MRAP: variants seen among roughly 807,000 people sequenced by gnomAD.
MRAP encodes melanocortin 2 receptor accessory protein.
A neutral mutation model predicts 8.7 loss-of-function variants in MRAP; 8 were observed. The observed-to-expected ratio is 0.92, with a 90% CI of 0.54 to 1.66. The LOEUF is 1.66. MRAP is among the 40% of genes most tolerant of loss of function. MRAP has a pLI of 0.00. For synonymous variants in MRAP, 95 were observed against 95.5 expected (o/e 1.00, Z 0.03); for missense variants, 237 against 217.1 (o/e 1.09, Z -0.58).
rs201185938 is a variant in MRAP, at chr21:32,302,161, G to GA, written c.106+3085dup. On this transcript the variant is annotated intron_variant, in intron 1 of 2. Transcript: ENST00000303645. ...AAACATTCTAGCAAACATCTGTGGT[G>GA]ATAAATTGTGTATATCTTTTGAGGA... Among the ~76,000 whole-genome samples, 1,095 of 152,280 alleles carry GA rather than the reference G, an allele frequency of 7.2e-3. 19 individuals carry two copies. Among genetic ancestry groups the GA allele is most frequent in the African/African-American group, 0.025 (1,027 of 41,546 alleles).
At chr21:32,306,832 G>A in intron 2 of MRAP, 93 bp downstream of exon 2, 1 of 979,534 alleles carries the variant, frequency 1.0e-6, no homozygotes, top group South Asian at 1.3e-5. Flanking sequence ...AAATGCTGGA[G>A]ACCAGAAGTG....
chr21:32,299,203 T>A, intron 1 of MRAP, 126 bp downstream of exon 1: 1 of 745,068 alleles, frequency 1.3e-6, no homozygotes, highest in Non-Finnish European at 2.4e-6. Context: ...AGCAGGAATG[T>A]GGCCAGTTCA....
At chr21:32,296,842 C>T, upstream of MRAP, among the ~76,000 whole-genome samples, 1 of 152,122 alleles carries the variant, frequency 6.6e-6, no homozygotes, top group Non-Finnish European at 1.5e-5. Flanking sequence ...GGAAGTTGCC[C>T]TGCATGAGGC....
intron 1 of MRAP, among the ~76,000 whole-genome samples, chr21:32,305,069 C>T (rs1199448643): frequency 6.7e-6 from 1 of 150,034 alleles, no homozygotes; most frequent in Non-Finnish European, 1.5e-5. Context: ...AACTCCTGGC[C>T]TCAAGTGATC....
intron 1 of MRAP, among the ~76,000 whole-genome samples, chr21:32,300,323 T>C (rs1484448525): frequency 1.3e-5 from 2 of 151,558 alleles, no homozygotes. Context: ...TCATGTGTCA[T>C]GCATCCTATG....
chr21:32,309,135 C>T lies in MRAP; in HGVS notation c.206+2396C>T, dbSNP rs370417712. ...CTTAGAAGTCTAGGAAGCATGGCAC[C>T]GACATCTGCTTAGCTTCTGGTGAGG... On this transcript the variant is annotated intron_variant, in intron 2 of 2. Coordinates refer to ENST00000303645, the MANE Select transcript of MRAP (RefSeq NM_001379228.1). Among the ~76,000 whole-genome samples, 7 of 152,252 alleles carry T rather than the reference C, an allele frequency of 4.6e-5. No individual in the cohort carries two copies. In the South Asian group the frequency reaches 8.3e-4, roughly 18 times the overall value.
exon 2 of MRAP, chr21:32,293,082 A>G (rs981226456): frequency 3.3e-5 from 5 of 152,196 alleles, no homozygotes; most frequent in African/African-American, 9.7e-5. Flanking sequence ...CTGTCCTTAT[A>G]AGAAGAGGAG....
At position 32,298,999 on chromosome 21, in the gene MRAP, C is replaced by T. The variant is rs906575757; in HGVS notation, c.28C>T (p.Pro10Ser). The T allele has an allele frequency of 6.2e-7, 1 of 1,614,146 alleles. No homozygotes were observed. The highest frequency in any genetic ancestry group is 8.5e-7 in the Non-Finnish European group (1 of 1,179,990). The change falls in exon 1 of 3, where the codon CCA becomes TCA. Residue 10 changes from proline (P) to serine (S), a missense_variant. By Grantham distance (74) the Pro-to-Ser change is moderately conservative. Coordinates refer to ENST00000303645, the MANE Select transcript of MRAP (RefSeq NM_001379228.1). The stretch of plus-strand genomic sequence containing the variant: ...GGCCAACGGGACCAACGCCTCTGCC[C>T]CATACTACAGCTATGAATACTACCT... MANGTNASAPYYSYEYYLDY... is the reference protein window; with the variant it reads MANGTNASASYYSYEYYLDY...
chr21:32,302,979 C>CTT (rs57692462), intron 1 of MRAP, among the ~76,000 whole-genome samples: 80,327 of 124,068 alleles, frequency 0.65, 27,920 homozygotes, highest in Non-Finnish European at 0.75. Context: ...CCCCAATTCC[C>CTT]TTTTTTTTTT....
At chr21:32,302,742 C>T (rs1052014722) in intron 1 of MRAP, among the ~76,000 whole-genome samples, 24 of 152,208 alleles carry the variant, frequency 1.6e-4, no homozygotes, top group African/African-American at 5.3e-4. Flanking sequence ...AGAACGGACA[C>T]ACGGTGCTAG....
At chr21:32,295,924 C>T (rs1331174811), upstream of MRAP, among the ~76,000 whole-genome samples, 1 of 152,110 alleles carries the variant, frequency 6.6e-6, no homozygotes, top group Admixed American at 6.5e-5. Flanking sequence ...TGGAGTAAGC[C>T]AAGATCACGC....
At chr21:32,306,814 C>A in intron 2 of MRAP, 75 bp downstream of exon 2, 1 of 1,184,334 alleles carries the variant, frequency 8.4e-7, no homozygotes, top group Non-Finnish European at 1.3e-6. Context: ...TTGAGTATCC[C>A]TCATCCAAAA....
In MRAP at chr21:32,304,958, TTTTGTTG is replaced by T. The variant is rs1302953305; in HGVS notation, c.107-1678_107-1672del. 4.3e-4 allele frequency among the ~76,000 whole-genome samples: 57 copies of T among 131,518 alleles called. 2 individuals carry two copies. Among genetic ancestry groups the T allele is most frequent in the African/African-American group, 1.6e-3 (55 of 35,292 alleles). 86.3% of individuals were successfully genotyped at this position (131,518 alleles called of 152,430 possible). On this transcript the variant is annotated intron_variant, in intron 1 of 2. Transcript: ENST00000303645. ...CCCTGTTTTGAGGGGGATTTGTTTTTTTTGTTGTTTTTTTTTTTTTTTTTTTTTTTTT... is the reference window on the plus strand; with the variant it reads ...CCCTGTTTTGAGGGGGATTTGTTTTTTTTTTTTTTTTTTTTTTTTTTTTTT...
At chr21:32,298,457 C>G (rs1026805599), upstream of MRAP, among the ~76,000 whole-genome samples, 1 of 152,190 alleles carries the variant, frequency 6.6e-6, no homozygotes, top group Non-Finnish European at 1.5e-5. Flanking sequence ...TTTCTGCCCT[C>G]AGATATTGAA....
chr21:32,294,737 G>A (rs1423731106), upstream of MRAP, among the ~76,000 whole-genome samples: 1 of 152,044 alleles, frequency 6.6e-6, no homozygotes, highest in Non-Finnish European at 1.5e-5. Flanking sequence ...AGTTTGTAAA[G>A]CTGCTGGGAT....
intron 1 of MRAP, among the ~76,000 whole-genome samples, chr21:32,292,212 G>C (rs902086058): frequency 6.6e-6 from 1 of 152,022 alleles, no homozygotes; most frequent in South Asian, 2.1e-4. Flanking sequence ...GATATATTTT[G>C]AATTTGCTTC....
At chr21:32,307,069 TG>T (rs2032437859) in intron 2 of MRAP, among the ~76,000 whole-genome samples, 1 of 152,210 alleles carries the variant, frequency 6.6e-6, no homozygotes, top group South Asian at 2.1e-4. Context: ...TGATCCATGC[TG>T]CAACATGCAT....
intron 1 of MRAP, among the ~76,000 whole-genome samples, chr21:32,303,611 G>A (rs2032337070): frequency 6.6e-6 from 1 of 152,240 alleles, no homozygotes; most frequent in African/African-American, 2.4e-5. Context: ...AGGCAGGGAG[G>A]AGAAGGGAGG....
intron 1 of MRAP, among the ~76,000 whole-genome samples, chr21:32,302,531 G>A (rs751920669): frequency 1.3e-5 from 2 of 152,206 alleles, no homozygotes; most frequent in African/African-American, 2.4e-5. Flanking sequence ...AACTAACAGA[G>A]TACCAGATAA....
Sources: gnomAD v4.1 joint callset for allele counts (sites outside exome capture counted in the v4.1 genomes callset) on GRCh38, gnomAD v4.1.1 for gene constraint, MANE v1.5 for transcripts, NCBI Gene and HGNC (gene_info 2026-07-23, HGNC 2026-07-21) for gene names.